TOP6BL: variants seen among roughly 807,000 people sequenced by gnomAD.
The protein encoded by TOP6BL is type 2 DNA topoisomerase 6 subunit B-like.
At chr11:66,827,981 A>G in the TOP6BL span, among the ~76,000 whole-genome samples, 1 of 150,544 alleles carries the variant, frequency 6.6e-6, no homozygotes, top group Non-Finnish European at 1.5e-5. Flanking sequence ...AAAAAAAAAA[A>G]AAAAAAAAAA....
chr11:66,761,701 A>G, the TOP6BL span: 1 of 851,600 alleles, frequency 1.2e-6, no homozygotes, highest in East Asian at 2.9e-5. Flanking sequence ...CCGCAAGGAA[A>G]TCCATTAGGT....
At chr11:66,760,708 G>A in the TOP6BL span, among the ~76,000 whole-genome samples, 1 of 150,734 alleles carries the variant, frequency 6.6e-6, no homozygotes, top group Non-Finnish European at 1.5e-5. Context: ...GGAGACTGAG[G>A]TGGGAAGATT....
chr11:66,747,482 A>T, the TOP6BL span, among the ~76,000 whole-genome samples: 6 of 151,046 alleles, frequency 4.0e-5, no homozygotes, highest in African/African-American at 1.5e-4. Context: ...AAGTGCTGGG[A>T]TTACAGGCAT....
the TOP6BL span, among the ~76,000 whole-genome samples, chr11:66,776,350 C>T: frequency 6.6e-6 from 1 of 152,008 alleles, no homozygotes; most frequent in African/African-American, 2.4e-5. Context: ...TGAGCCATCA[C>T]GCCTGGCATA....
chr11:66,840,063 C>A, the TOP6BL span, among the ~76,000 whole-genome samples: 1 of 152,176 alleles, frequency 6.6e-6, no homozygotes, highest in Non-Finnish European at 1.5e-5. Flanking sequence ...TGGTGGAACC[C>A]CTGGAGGATG....
At chr11:66,827,553 TATC>T in the TOP6BL span, among the ~76,000 whole-genome samples, 1 of 151,994 alleles carries the variant, frequency 6.6e-6, no homozygotes, top group Non-Finnish European at 1.5e-5. Context: ...AAAAGTCTCA[TATC>T]AGCCTCAGTT....
chr11:66,761,807 A>G, the TOP6BL span: 1 of 818,032 alleles, frequency 1.2e-6, no homozygotes, highest in East Asian at 2.5e-5. Context: ...AACTTCCCTG[A>G]TAGAGAAGAT....
At chr11:66,815,300 A>T in the TOP6BL span, among the ~76,000 whole-genome samples, 1 of 152,180 alleles carries the variant, frequency 6.6e-6, no homozygotes, top group Non-Finnish European at 1.5e-5. Flanking sequence ...ATAACGTAGG[A>T]AATGTCCTCT....
At chr11:66,766,138 G>A in the TOP6BL span, among the ~76,000 whole-genome samples, 1 of 152,108 alleles carries the variant, frequency 6.6e-6, no homozygotes, top group South Asian at 2.1e-4. Flanking sequence ...GTTTAACTCT[G>A]TTGTTTTCTT....
the TOP6BL span, among the ~76,000 whole-genome samples, chr11:66,814,434 T>C: frequency 6.6e-6 from 1 of 152,094 alleles, no homozygotes; most frequent in African/African-American, 2.4e-5. Context: ...AATAGTTTTT[T>C]GTATTTTTGG....
chr11:66,755,990 A>G, the TOP6BL span, among the ~76,000 whole-genome samples: 7 of 152,338 alleles, frequency 4.6e-5, no homozygotes, highest in African/African-American at 1.7e-4. Flanking sequence ...CACTGGGGCT[A>G]GTACTTAAAA....
At chr11:66,796,335 T>TTGAAAA in the TOP6BL span, 1 of 1,610,950 alleles carries the variant, frequency 6.2e-7, no homozygotes, top group Non-Finnish European at 8.5e-7. Flanking sequence ...AAAGCATTTT[T>TTGAAAA]TACGTAAAAT....
the TOP6BL span, among the ~76,000 whole-genome samples, chr11:66,830,459 GA>G: frequency 6.6e-6 from 1 of 152,104 alleles, no homozygotes; most frequent in African/African-American, 2.4e-5. Flanking sequence ...TCAAATCCAT[GA>G]GATCACTTTC....
chr11:66,788,353 G>A, the TOP6BL span: 1 of 1,030,030 alleles, frequency 9.7e-7, no homozygotes, highest in Non-Finnish European at 1.4e-6. Flanking sequence ...AAAAGCCTAG[G>A]TCCATCAAAG....
At chr11:66,817,762 G>A in the TOP6BL span, among the ~76,000 whole-genome samples, 2 of 151,928 alleles carry the variant, frequency 1.3e-5, 1 homozygote, top group South Asian at 4.2e-4. Context: ...GTAGAGGCAA[G>A]GTCTGAACTC....
chr11:66,745,764 C>T, the TOP6BL span, among the ~76,000 whole-genome samples: 1 of 152,188 alleles, frequency 6.6e-6, no homozygotes, highest in Middle Eastern at 3.2e-3. Flanking sequence ...CCCAACTGCG[C>T]TGTCATACCG....
chr11:66,794,864 G>A, the TOP6BL span, among the ~76,000 whole-genome samples: 1 of 152,178 alleles, frequency 6.6e-6, no homozygotes, highest in South Asian at 2.1e-4. Flanking sequence ...CAGGCGCAGT[G>A]GCTCACTTCT....
chr11:66,834,075 T>C, the TOP6BL span, among the ~76,000 whole-genome samples: 6 of 152,176 alleles, frequency 3.9e-5, no homozygotes. Flanking sequence ...TTACCAGTAG[T>C]CATAGGTCTT....
the TOP6BL span, among the ~76,000 whole-genome samples, chr11:66,814,240 T>G: frequency 6.6e-6 from 1 of 151,078 alleles, no homozygotes; most frequent in East Asian, 1.9e-4. Context: ...GCATTGCATG[T>G]TTTTTTTTGT....
Sources: allele counts gnomAD v4.1 joint callset (sites outside exome capture counted in the v4.1 genomes callset), GRCh38; gene constraint gnomAD v4.1.1; transcripts MANE v1.5; gene names NCBI Gene and HGNC (gene_info 2026-07-23, HGNC 2026-07-21).